The following STUM variants were observed in gnomAD, a reference collection of about 807,000 sequenced individuals.
STUM encodes stum, mechanosensory transduction mediator homolog.
A neutral mutation model predicts 15.3 loss-of-function variants in STUM; 8 were observed. The ratio of observed to expected loss-of-function variants is 0.52; its 90% CI spans 0.31 to 0.94. The LOEUF (loss-of-function observed/expected upper bound fraction) is 0.94, where lower values mean the gene tolerates loss of function less well. Ranked by LOEUF, STUM falls within the 40% of genes least tolerant of loss-of-function variation. The pLI, the probability that STUM is intolerant of heterozygous loss-of-function variation, is 0.05. For missense variants in STUM, 142 were observed against 204.9 expected (o/e 0.69, Z 1.87); for synonymous variants, 78 against 88.7 (o/e 0.88, Z 0.68).
At chr1:226,568,601 G>A (rs1482253105) in intron 1 of STUM, among the ~76,000 whole-genome samples, 1 of 152,238 alleles carries the variant, frequency 6.6e-6, no homozygotes, top group Non-Finnish European at 1.5e-5. Flanking sequence ...TGGGTGGCCA[G>A]GAGGAGAGGG....
chr1:226,559,304 C>T (rs1235090485), intron 1 of STUM, among the ~76,000 whole-genome samples: 2 of 152,140 alleles, frequency 1.3e-5, no homozygotes, highest in African/African-American at 4.8e-5. Context: ...TTCAACTTTC[C>T]AAGGGCCAAA....
At chr1:226,573,693 T>A (rs1015805820) in intron 1 of STUM, among the ~76,000 whole-genome samples, 1 of 152,184 alleles carries the variant, frequency 6.6e-6, no homozygotes, top group Non-Finnish European at 1.5e-5. Flanking sequence ...GTGTACAGCA[T>A]GATATTTTGA....
rs960861675 is a variant in STUM, at chr1:226,606,395, C to T, written c.*4355C>T. 1 of 152,228 alleles carries T rather than the reference C, an allele frequency of 6.6e-6. No individual in the cohort carries two copies. Among genetic ancestry groups the T allele is most frequent in the Non-Finnish European group, 1.5e-5 (1 of 68,044 alleles). The allele number at this position is 152,228 out of a possible 1,614,324, so 9.4% of individuals were successfully genotyped here. On this transcript the variant is annotated 3_prime_UTR_variant, in exon 4 of 4. Coordinates refer to ENST00000366788, the MANE Select transcript of STUM (RefSeq NM_001003665.4). ...GGCTTGAGGGTGGAGAGCCAGGCCT[C>T]CTCAGGGTCCCTTCTAGGCTCCCAG...
intron 1 of STUM, among the ~76,000 whole-genome samples, chr1:226,587,197 A>C (rs1210308027): frequency 6.6e-6 from 1 of 152,102 alleles, no homozygotes. Flanking sequence ...AGCACAGGGA[A>C]GCTGATGCAC....
At chr1:226,576,312 A>G (rs1049788432) in intron 1 of STUM, among the ~76,000 whole-genome samples, 3 of 152,202 alleles carry the variant, frequency 2.0e-5, no homozygotes, top group African/African-American at 7.2e-5. Context: ...ATGGCTGGGT[A>G]TTCTGGGGTT....
chr1:226,570,638 G>A (rs1259934317), intron 1 of STUM, among the ~76,000 whole-genome samples: 3 of 152,196 alleles, frequency 2.0e-5, no homozygotes, highest in African/African-American at 7.2e-5. Context: ...CATGCAGAGA[G>A]CTCTTGCCTC....
In STUM at chr1:226,607,855, G is replaced by GGCACACACTC. The variant is rs1397220843; in HGVS notation, c.*5823_*5832dup. The GGCACACACTC allele has an allele frequency of 2.0e-5, 3 of 152,388 alleles. No homozygotes were observed. The highest frequency in any genetic ancestry group is 4.4e-5 in the Non-Finnish European group (3 of 68,164). The allele number at this position is 152,388 out of a possible 1,614,324, so 9.4% of individuals were successfully genotyped here. ...TGCATTTCACCCCCACATGGACAGAGGCACACACTCGCACACATTCCCAGC... is the reference window on the plus strand; with the variant it reads ...TGCATTTCACCCCCACATGGACAGAGGCACACACTCGCACACACTCGCACACATTCCCAGC... On this transcript the variant is annotated 3_prime_UTR_variant, in exon 4 of 4. Transcript: ENST00000366788.
At chr1:226,596,324 G>A (rs909736400) in intron 1 of STUM, among the ~76,000 whole-genome samples, 7 of 152,182 alleles carry the variant, frequency 4.6e-5, no homozygotes, top group Non-Finnish European at 1.5e-5. Flanking sequence ...TGTGTGCTGG[G>A]TGGTCATTTC....
intron 1 of STUM, among the ~76,000 whole-genome samples, chr1:226,575,922 C>T (rs1218388698): frequency 6.6e-6 from 1 of 152,262 alleles, no homozygotes; most frequent in Non-Finnish European, 1.5e-5. Context: ...TCCTGCCCTC[C>T]TCATCTCAGG....
intron 1 of STUM, among the ~76,000 whole-genome samples, chr1:226,582,438 A>G (rs1443693820): frequency 6.6e-6 from 1 of 152,102 alleles, no homozygotes; most frequent in Non-Finnish European, 1.5e-5. Context: ...ACTAAAAAGT[A>G]CAAAAAATTA....
chr1:226,582,282 G>A (rs1047909264), intron 1 of STUM, among the ~76,000 whole-genome samples: 1 of 152,186 alleles, frequency 6.6e-6, no homozygotes, highest in African/African-American at 2.4e-5. Flanking sequence ...AATCCATTTG[G>A]CTCTTTGCTC....
At chr1:226,550,208 C>G (rs1440158917) in intron 1 of STUM, among the ~76,000 whole-genome samples, 1 of 152,184 alleles carries the variant, frequency 6.6e-6, no homozygotes, top group Non-Finnish European at 1.5e-5. Context: ...TTCTCACGGT[C>G]TCCTCGCTCT....
rs779626950 is a variant in STUM at position 226,549,143 on chromosome 1, C to T, written c.202+37C>T. ...CTGCCGCGACCCTTGCGACCCCCAC[C>T]CCGCCGCGGGAGGGCGTGGGGGGAG... On this transcript the variant is annotated intron_variant, in intron 1 of 3. Coordinates refer to ENST00000366788, the MANE Select transcript of STUM (RefSeq NM_001003665.4). This position sits in a 1 kb window ranked among gnomAD's most constrained non-coding sequence, Gnocchi z 6.8. The T allele has an allele frequency of 1.3e-6, 2 of 1,537,676 alleles. No homozygotes were observed. Among genetic ancestry groups the T allele is most frequent in the South Asian group, 1.2e-5 (1 of 84,952 alleles).
intron 2 of STUM, among the ~76,000 whole-genome samples, chr1:226,598,500 C>G (rs1668217177): frequency 6.6e-6 from 1 of 152,204 alleles, no homozygotes; most frequent in African/African-American, 2.4e-5. Context: ...CTAGAGCTTT[C>G]TGGTACACTT....
chr1:226,571,789 A>G (rs1182938761), intron 1 of STUM, among the ~76,000 whole-genome samples: 2 of 151,950 alleles, frequency 1.3e-5, no homozygotes, highest in Non-Finnish European at 2.9e-5. Flanking sequence ...CCAGGCATGC[A>G]CCACCACCCT....
In STUM at chr1:226,597,310, T is replaced by G. The variant is rs1170834817; in HGVS notation, c.382+329T>G. 3 of 523,760 alleles carry G rather than the reference T, an allele frequency of 5.7e-6. No homozygotes were observed. The East Asian group carries it at 1.6e-4, about 28-fold the overall frequency. 32.4% of individuals were successfully genotyped at this position (523,760 alleles called of 1,614,324 possible). ...TTTACCAAAGACAACTCAGTTACCC[T>G]TTCTAAAATAACCTAGCAAAATCTT... is the stretch of plus-strand genomic sequence containing the variant. On this transcript the variant is annotated intron_variant, in intron 2 of 3. Coordinates refer to ENST00000366788, the MANE Select transcript of STUM (RefSeq NM_001003665.4).
rs1360559538 is a variant in STUM, at chr1:226,602,801, G to C, written c.*761G>C. 1.3e-5 allele frequency: 2 copies of C among 152,228 alleles called. No individual in the cohort carries two copies. Among genetic ancestry groups the C allele is most frequent in the Non-Finnish European group, 2.9e-5 (2 of 68,048 alleles). The allele number at this position is 152,228 out of a possible 1,614,324, so 9.4% of individuals were successfully genotyped here. ...AGTTATTAGACTGAAGCAGGAGTGG[G>C]CAGACTAGCAGGCTTTCACCCAATA... On this transcript the variant is annotated 3_prime_UTR_variant, in exon 4 of 4. Transcript: ENST00000366788.
At position 226,603,459 on chromosome 1, in the gene STUM, G is replaced by C. The variant is rs1413424464; in HGVS notation, c.*1419G>C. On this transcript the variant is annotated 3_prime_UTR_variant, in exon 4 of 4. Coordinates refer to ENST00000366788, the MANE Select transcript of STUM (RefSeq NM_001003665.4). ...TCCTTTCATTTTCATTCTAACATAGGAAATGCTAACAGATGGGGCTGGCCC... is the reference window on the plus strand; with the variant it reads ...TCCTTTCATTTTCATTCTAACATAGCAAATGCTAACAGATGGGGCTGGCCC... 1 of 152,220 alleles carries C rather than the reference G, an allele frequency of 6.6e-6. No homozygotes were observed. The highest frequency in any genetic ancestry group is 1.9e-4 in the East Asian group (1 of 5,208). 9.4% of individuals were successfully genotyped at this position (152,220 alleles called of 1,614,324 possible).
Position 226,596,814 on chromosome 1 carries a change from C to A in STUM, c.215C>A (p.Ser72Ter), listed in dbSNP as rs1244169469. The A allele has an allele frequency of 6.2e-7, 1 of 1,611,600 alleles. No homozygotes were observed. The highest frequency in any genetic ancestry group is 1.7e-5 in the Admixed American group (1 of 59,974). ...TFVPGLGTFV[S>*]AFTVLCGART... ...TGGCCTCTCACAGGGACATTCGTCT[C>A]GGCCTTCACTGTGCTGTGCGGGGCC... is the stretch of plus-strand genomic sequence containing the variant. The change falls in exon 2 of 4, where the codon TCG becomes TAG. Residue 72 changes from serine to a stop codon, truncating the protein, a stop_gained. Coordinates refer to ENST00000366788, the MANE Select transcript of STUM (RefSeq NM_001003665.4). LOFTEE classifies it high-confidence loss of function.
Sources: gnomAD v4.1 joint callset for allele counts (sites outside exome capture counted in the v4.1 genomes callset) on GRCh38, gnomAD v4.1.1 for gene constraint, Gnocchi (gnomAD v3.1) non-coding constraint, MANE v1.5 for transcripts, NCBI Gene and HGNC (gene_info 2026-07-23, HGNC 2026-07-21) for gene names.